The following P2RY8 variants were observed in gnomAD, a reference collection of about 807,000 sequenced individuals.
P2RY8 encodes S-geranylgeranyl-glutathione receptor P2RY8.
Under a neutral mutation model 10.0 loss-of-function variants are expected in P2RY8, and 6 were observed. The ratio of observed to expected loss-of-function variants is 0.60; its 90% CI spans 0.33 to 1.19. P2RY8 has a LOEUF of 1.19. Among genes scored for constraint, P2RY8 ranks in the 50% most tolerant of loss-of-function variants. P2RY8 has a pLI of 0.04. For synonymous variants in P2RY8, 276 were observed against 252.5 expected, an observed-to-expected ratio of 1.09 and a Z score of -0.88; for missense variants, 456 against 542.0, an observed-to-expected ratio of 0.84 and a Z score of 1.58.
chrX:1,479,664 T>C (rs2091913457), intron 1 of P2RY8, among the ~76,000 whole-genome samples: 1 of 152,194 alleles, frequency 6.6e-6, no homozygotes. Context: ...ATCAGTGCAA[T>C]TGAAAACAGC....
chrX:1,466,566 G>A lies in P2RY8; in HGVS notation c.-8C>T. ...GCTGTTCGGGACCTGCATCCTGGAG[G>A]GGTCCTCGCCCGGGCTCTGCAAGGG... On this transcript the variant is annotated 5_prime_UTR_variant, in exon 2 of 2. Coordinates refer to ENST00000381297, the MANE Select transcript of P2RY8 (RefSeq NM_178129.5). 1 of 1,601,194 alleles carries A rather than the reference G, an allele frequency of 6.2e-7. No individual in the cohort carries two copies. The highest frequency in any genetic ancestry group is 8.5e-7 in the Non-Finnish European group (1 of 1,176,738).
At chrX:1,505,723 GAGGTTGC>G (rs1180610072) in intron 1 of P2RY8, among the ~76,000 whole-genome samples, 3 of 152,080 alleles carry the variant, frequency 2.0e-5, no homozygotes, top group Admixed American at 2.0e-4. Flanking sequence ...CAGGGAGGCG[GAGGTTGC>G]AGTGAGCCGA....
intron 1 of P2RY8, among the ~76,000 whole-genome samples, chrX:1,473,793 TG>T (rs1220664536): frequency 3.2e-5 from 3 of 94,996 alleles, no homozygotes; most frequent in Non-Finnish European, 6.3e-5. Flanking sequence ...GGATGAATGG[TG>T]GGTGGGTTTG....
At chrX:1,487,618 T>C (rs769893890) in intron 1 of P2RY8, among the ~76,000 whole-genome samples, 1 of 152,250 alleles carries the variant, frequency 6.6e-6, no homozygotes, top group South Asian at 2.1e-4. Context: ...CACCTGTCTC[T>C]GGCTGCCTGT....
chrX:1,497,468 G>A (rs1377055173), intron 1 of P2RY8, among the ~76,000 whole-genome samples: 1 of 151,260 alleles, frequency 6.6e-6, no homozygotes, highest in Non-Finnish European at 1.5e-5. Flanking sequence ...GACCAGCCTG[G>A]CCAAGACGGT....
intron 1 of P2RY8, among the ~76,000 whole-genome samples, chrX:1,525,593 G>T (rs1407853378): frequency 2.0e-5 from 3 of 152,048 alleles, no homozygotes; most frequent in African/African-American, 7.2e-5. Flanking sequence ...TGTTTCATCC[G>T]TCTATTCACC....
intron 1 of P2RY8, among the ~76,000 whole-genome samples, chrX:1,508,156 T>C (rs1383400421): frequency 3.3e-5 from 5 of 152,196 alleles, no homozygotes; most frequent in African/African-American, 1.2e-4. Context: ...TCTGGCAGTA[T>C]TGCTGAGTGT....
At chrX:1,499,651 G>GA (rs1174245836) in intron 1 of P2RY8, among the ~76,000 whole-genome samples, 3 of 150,250 alleles carry the variant, frequency 2.0e-5, no homozygotes, top group Non-Finnish European at 3.0e-5. Context: ...TATTAATAAG[G>GA]AAAAAAAAGA....
chrX:1,466,964 G>C (rs1315562990), intron 1 of P2RY8, among the ~76,000 whole-genome samples: 3 of 112,316 alleles, frequency 2.7e-5, no homozygotes, highest in African/African-American at 6.5e-5. Context: ...CAGAGGCTGA[G>C]ACTCTTAGAT....
intron 1 of P2RY8, among the ~76,000 whole-genome samples, chrX:1,533,115 G>A (rs1458956876): frequency 6.7e-6 from 1 of 150,110 alleles, no homozygotes; most frequent in Non-Finnish European, 1.5e-5. Context: ...AGGGATAAAA[G>A]GCCACAAACC....
In P2RY8 at chrX:1,489,714, C is replaced by T. The variant is rs776287616; in HGVS notation, c.-24-23132G>A. Among the ~76,000 whole-genome samples, 15 of 150,268 alleles carry T rather than the reference C, an allele frequency of 1.0e-4. 1 individual carries two copies. In the South Asian group the frequency reaches 2.8e-3, roughly 28 times the overall value. ...TGTAGAGAGAATGAATGAATGATAC[C>T]CAGATATTCCCCGCAAATGTGGGGG... On this transcript the variant is annotated intron_variant, in intron 1 of 1. Coordinates refer to ENST00000381297, the MANE Select transcript of P2RY8 (RefSeq NM_178129.5).
At chrX:1,508,877 CCAT>C in intron 1 of P2RY8, among the ~76,000 whole-genome samples, 1 of 123,000 alleles carries the variant, frequency 8.1e-6, no homozygotes, top group South Asian at 2.6e-4. Context: ...ATCCATCCAT[CCAT>C]CTATTCTATC....
chrX:1,479,785 A>C (rs755761514), intron 1 of P2RY8, among the ~76,000 whole-genome samples: 1 of 152,310 alleles, frequency 6.6e-6, no homozygotes, highest in Admixed American at 6.5e-5. Context: ...GACACAAGTT[A>C]CTAATACTGT....
At chrX:1,524,283 C>A (rs2092413465) in intron 1 of P2RY8, among the ~76,000 whole-genome samples, 1 of 152,016 alleles carries the variant, frequency 6.6e-6, no homozygotes, top group Admixed American at 6.6e-5. Flanking sequence ...TCTGCGGATC[C>A]ACTCATCCCT....
At chrX:1,533,831 AC>A in intron 1 of P2RY8, among the ~76,000 whole-genome samples, 1 of 119,718 alleles carries the variant, frequency 8.4e-6, no homozygotes, top group Admixed American at 9.5e-5. Context: ...TATATTATAT[AC>A]TTATATTTAT....
At chrX:1,529,174 G>A (rs2092457976) in intron 1 of P2RY8, among the ~76,000 whole-genome samples, 1 of 152,108 alleles carries the variant, frequency 6.6e-6, no homozygotes, top group South Asian at 2.1e-4. Context: ...CCTGCACAGG[G>A]AATATCTGCT....
Position 1,537,003 on chromosome X carries a change from C to T in P2RY8, c.-107G>A, listed in dbSNP as rs1193885741. On this transcript the variant is annotated 5_prime_UTR_variant, in exon 1 of 2. Transcript: ENST00000381297. Reference sequence around the variant, plus strand: ...AGGATGCAACGCTTAAGTCGACGGCCGTGCCTCAGAGCCCGGGACTCGGGG... The same window carrying T: ...AGGATGCAACGCTTAAGTCGACGGCTGTGCCTCAGAGCCCGGGACTCGGGG... The T allele has an allele frequency of 1.3e-5, 3 of 231,982 alleles. No individual in the cohort carries two copies. The highest frequency in any genetic ancestry group is 6.1e-5 in the East Asian group (1 of 16,490). The allele number at this position is 231,982 out of a possible 1,614,324, so 14.4% of individuals were successfully genotyped here. A position where few individuals can be genotyped will look rare whatever the true frequency, so the allele number is the denominator to read the frequency against.
intron 1 of P2RY8, among the ~76,000 whole-genome samples, chrX:1,514,117 C>T (rs1322663522): frequency 3.3e-5 from 5 of 152,072 alleles, no homozygotes; most frequent in Non-Finnish European, 5.9e-5. Context: ...CCACTTTTAG[C>T]CCTGAGGTTC....
intron 1 of P2RY8, among the ~76,000 whole-genome samples, chrX:1,487,075 T>C (rs1402833268): frequency 6.6e-6 from 1 of 152,220 alleles, no homozygotes. Context: ...GCGCAAGCCT[T>C]CCCTGTCTGT....
Sources: allele counts gnomAD v4.1 joint callset (sites outside exome capture counted in the v4.1 genomes callset), GRCh38; gene constraint gnomAD v4.1.1; transcripts MANE v1.5; gene names NCBI Gene and HGNC (gene_info 2026-07-23, HGNC 2026-07-21).